Variants in CMIP observed in about 807,000 individuals in gnomAD.
The protein encoded by CMIP is C-Maf-inducing protein.
CMIP carries 13 observed loss-of-function variants against 97.3 expected under a neutral mutation model. The ratio of observed to expected loss-of-function variants is 0.13; its 90% CI spans 0.09 to 0.21. The LOEUF is 0.21. CMIP is among the 10% of genes least tolerant of loss of function. The pLI, the probability that CMIP is intolerant of heterozygous loss-of-function variation, is 1.00. For missense variants in CMIP, 847 were observed against 1,024.9 expected, an observed-to-expected ratio of 0.83 and a Z score of 2.37; for synonymous variants, 538 against 436.3, an observed-to-expected ratio of 1.23 and a Z score of -2.91.
At chr16:81,482,379 C>A (rs1005698059) in intron 1 of CMIP, among the ~76,000 whole-genome samples, 5 of 152,112 alleles carry the variant, frequency 3.3e-5, no homozygotes, top group Non-Finnish European at 5.9e-5. Flanking sequence ...GGCTGGTGGG[C>A]AGGCAATCTA....
chr16:81,574,752 C>T (rs1315503463), intron 1 of CMIP, among the ~76,000 whole-genome samples: 1 of 152,106 alleles, frequency 6.6e-6, no homozygotes, highest in Non-Finnish European at 1.5e-5. Flanking sequence ...GGTCACCATC[C>T]CTGTTCTCGG....
chr16:81,662,367 G>A (rs924220119), intron 6 of CMIP, among the ~76,000 whole-genome samples: 23 of 152,152 alleles, frequency 1.5e-4, no homozygotes, highest in African/African-American at 4.8e-4. Flanking sequence ...TTACCTCAGC[G>A]TTCCTAGTAG....
At chr16:81,692,252 C>A (rs1425281886) in intron 11 of CMIP, among the ~76,000 whole-genome samples, 1 of 152,224 alleles carries the variant, frequency 6.6e-6, no homozygotes, top group African/African-American at 2.4e-5. Context: ...TAGCATTGCT[C>A]GCTGTGCCGT....
intron 2 of CMIP, among the ~76,000 whole-genome samples, chr16:81,615,135 ATGTC>A (rs1380747761): frequency 7.2e-6 from 1 of 139,354 alleles, no homozygotes; most frequent in African/African-American, 2.7e-5. Context: ...GTGTGTATGT[ATGTC>A]TGTGTGATGT....
chr16:81,663,699 A>T (rs1597213918), intron 6 of CMIP, among the ~76,000 whole-genome samples: 1 of 152,150 alleles, frequency 6.6e-6, no homozygotes, highest in East Asian at 1.9e-4. Context: ...TATACGTGCT[A>T]CATTTGTTAC....
chr16:81,598,968 C>CAAAAAAAAAAA (rs141717317), intron 1 of CMIP, among the ~76,000 whole-genome samples: 7 of 49,852 alleles, frequency 1.4e-4, no homozygotes, highest in African/African-American at 3.2e-4. Flanking sequence ...GACTCTGTCT[C>CAAAAAAAAAAA]AAAAAAAAAA....
chr16:81,590,391 A>G (rs1056660694), intron 1 of CMIP, among the ~76,000 whole-genome samples: 3 of 152,154 alleles, frequency 2.0e-5, no homozygotes, highest in East Asian at 1.9e-4. Context: ...GCTCATTCCC[A>G]TGATTTCGGG....
chr16:81,615,703 CGTG>C (rs890080947), intron 2 of CMIP, among the ~76,000 whole-genome samples: 1 of 111,196 alleles, frequency 9.0e-6, no homozygotes, highest in African/African-American at 3.5e-5. Context: ...CCTTGTGTGT[CGTG>C]TGTGTGCATG....
At chr16:81,540,586 AGCCACTGCACCTG>A (rs1432143884) in intron 1 of CMIP, among the ~76,000 whole-genome samples, 1 of 151,690 alleles carries the variant, frequency 6.6e-6, no homozygotes. Context: ...TACAGGCGTG[AGCCACTGCACCTG>A]GCCTGGCCTC....
At chr16:81,476,866 C>A (rs12931627) in intron 1 of CMIP, among the ~76,000 whole-genome samples, 10 of 151,938 alleles carry the variant, frequency 6.6e-5, no homozygotes, top group Non-Finnish European at 1.2e-4. Context: ...TCCTTACTTC[C>A]CGACGTCAGC....
rs139040211 is a variant in CMIP, at chr16:81,596,149, G to A, written c.301-11418G>A. Among the ~76,000 whole-genome samples, 11 of 152,242 alleles carry A rather than the reference G, an allele frequency of 7.2e-5. No individual in the cohort carries two copies. The East Asian group carries it at 9.6e-4, about 13-fold the overall frequency. On this transcript the variant is annotated intron_variant, in intron 1 of 20. Transcript: ENST00000537098. ...AAGTGGAGGCTCAGAGATACCAAGC[G>A]ACTTGCCTAAGGCCAAGTTGTGGAG... is the stretch of plus-strand genomic sequence containing the variant.
chr16:81,615,405 G>GGTGTGT (rs201365765), intron 2 of CMIP, among the ~76,000 whole-genome samples: 149 of 144,020 alleles, frequency 1.0e-3, no homozygotes, highest in Admixed American at 3.2e-3. Context: ...TGTGGTGTAT[G>GGTGTGT]GTGTGTGTGT....
At chr16:81,607,715 A>C in intron 2 of CMIP, 23 bp downstream of exon 2, 1 of 1,610,634 alleles carries the variant, frequency 6.2e-7, no homozygotes, top group Non-Finnish European at 8.5e-7. Flanking sequence ...AACATGAACA[A>C]GCAGTTTCTT....
chr16:81,635,339 G>A (rs891471011), intron 3 of CMIP, among the ~76,000 whole-genome samples: 4 of 152,110 alleles, frequency 2.6e-5, no homozygotes, highest in Admixed American at 1.3e-4. Context: ...AGGAGGGTTG[G>A]CACACAGGAC....
At chr16:81,691,199 C>G (rs1021021957) in intron 10 of CMIP, among the ~76,000 whole-genome samples, 21 of 152,292 alleles carry the variant, frequency 1.4e-4, no homozygotes, top group African/African-American at 4.8e-4. Context: ...AGGCACAACC[C>G]TGAAATCAAG....
intron 1 of CMIP, among the ~76,000 whole-genome samples, chr16:81,458,035 AAG>A (rs775240692): frequency 1.2e-4 from 18 of 152,244 alleles, no homozygotes; most frequent in Non-Finnish European, 2.2e-4. Flanking sequence ...TCATGCCAAT[AAG>A]AGAGAGGGGG....
At chr16:81,626,839 T>A (rs1364188930) in intron 3 of CMIP, among the ~76,000 whole-genome samples, 1 of 138,786 alleles carries the variant, frequency 7.2e-6, no homozygotes, top group African/African-American at 2.7e-5. Context: ...GGGTGACTAT[T>A]TTATGAGTGT....
At chr16:81,651,169 C>G (rs1025796441) in intron 3 of CMIP, 14 of 152,248 alleles carry the variant, frequency 9.2e-5, no homozygotes, top group Non-Finnish European at 1.3e-4. Flanking sequence ...AAATTAGGCT[C>G]TCCCTAAGGA....
At chr16:81,455,209 C>T (rs965054435) in intron 1 of CMIP, among the ~76,000 whole-genome samples, 8 of 152,290 alleles carry the variant, frequency 5.3e-5, no homozygotes, top group African/African-American at 1.9e-4. Context: ...ATCTCCGAGT[C>T]GCCAGGACCA....
Sources: gnomAD v4.1 joint callset for allele counts (sites outside exome capture counted in the v4.1 genomes callset) on GRCh38, gnomAD v4.1.1 for gene constraint, MANE v1.5 for transcripts, NCBI Gene and HGNC (gene_info 2026-07-23, HGNC 2026-07-21) for gene names.